ARHGEF17: variants seen among roughly 807,000 people sequenced by gnomAD.
The protein encoded by ARHGEF17 is 164 kDa Rho-specific guanine-nucleotide exchange factor.
Under a neutral mutation model 174.0 loss-of-function variants are expected in ARHGEF17, and 80 were observed. The observed-to-expected ratio is 0.46, with a 90% CI of 0.38 to 0.55. The LOEUF is 0.55. Ranked by LOEUF, ARHGEF17 falls within the 20% of genes least tolerant of loss-of-function variation. The pLI, the probability that ARHGEF17 is intolerant of heterozygous loss-of-function variation, is 0.00. For synonymous variants in ARHGEF17, 1,311 were observed against 1,189.1 expected (o/e 1.10, Z -2.11); for missense variants, 2,886 against 2,839.7 (o/e 1.02, Z -0.37).
At chr11:73,336,450 A>T (rs925497613) in intron 1 of ARHGEF17, among the ~76,000 whole-genome samples, 1 of 152,208 alleles carries the variant, frequency 6.6e-6, no homozygotes, top group Non-Finnish European at 1.5e-5. Flanking sequence ...TTCTGGGCTA[A>T]GAGTGCACCA....
In ARHGEF17 at chr11:73,346,889, C is replaced by A. The variant is rs906046290; in HGVS notation, c.3199C>A (p.Arg1067=). Reference sequence around the variant, plus strand: ...TCTGCTCCTGTCCCCACAGGACATGCGGAAGCACGTGGCCATGACCCTGCT... The same window carrying A: ...TCTGCTCCTGTCCCCACAGGACATGAGGAAGCACGTGGCCATGACCCTGCT... The part of the protein sequence containing the change: ...KCCSKPQVDM[R]KHVAMTLLDT... Residue 1067 remains arginine, a synonymous_variant, in exon 2 of 21, where the codon CGG becomes AGG. Transcript: ENST00000263674. 2.0e-6 allele frequency: 3 copies of A among 1,499,906 alleles called. No homozygotes were observed. The highest frequency in any genetic ancestry group is 2.8e-5 in the African/African-American group (2 of 70,790). The allele number at this position is 1,499,906 out of a possible 1,614,324, so 92.9% of individuals were successfully genotyped here. A position where few individuals can be genotyped will look rare whatever the true frequency, so the allele number is the denominator to read the frequency against.
At position 73,364,229 on chromosome 11, in the gene ARHGEF17, A is replaced by C; in HGVS notation, c.5391A>C (p.Gln1797His). ...SLANGELVVYQREAGHFWDPQ... is the reference protein window; with the variant it reads ...SLANGELVVYHREAGHFWDPQ... ...CCAATGGAGAGCTTGTGGTCTACCA[A>C]AGGGAAGCAGGTGAGTATCTGCCCT... The change falls in exon 17 of 21, where the codon CAA becomes CAC. Residue 1797 changes from glutamine to histidine, a missense_variant. Gln to His is a conservative substitution (Grantham distance 24). Coordinates refer to ENST00000263674, the MANE Select transcript of ARHGEF17 (RefSeq NM_014786.4). 6.2e-7 allele frequency: 1 copy of C among 1,614,104 alleles called. No individual in the cohort carries two copies. Among genetic ancestry groups the C allele is most frequent in the Non-Finnish European group, 8.5e-7 (1 of 1,180,020 alleles).
Position 73,368,145 on chromosome 11 carries a change from C to T in ARHGEF17, c.*365C>T, listed in dbSNP as rs1346400927. 2 of 220,156 alleles carry T rather than the reference C, an allele frequency of 9.1e-6. No homozygotes were observed. The highest frequency in any genetic ancestry group is 4.5e-5 in the African/African-American group (2 of 44,436). 13.6% of individuals were successfully genotyped at this position (220,156 alleles called of 1,614,324 possible). On this transcript the variant is annotated 3_prime_UTR_variant, in exon 21 of 21. Transcript: ENST00000263674. ...GGTTTTCTGGAGGGCAGCAGGAAGGCTGGGGAATTCCCCATGTACAGTATT... is the reference window on the plus strand; with the variant it reads ...GGTTTTCTGGAGGGCAGCAGGAAGGTTGGGGAATTCCCCATGTACAGTATT...
intron 1 of ARHGEF17, among the ~76,000 whole-genome samples, chr11:73,319,065 C>CT (rs60978188): frequency 0.057 from 7,909 of 139,234 alleles, 270 homozygotes; most frequent in East Asian, 0.13. Flanking sequence ...CTTCCTCCGT[C>CT]TTTTTTTTTT....
intron 1 of ARHGEF17, among the ~76,000 whole-genome samples, chr11:73,316,035 G>A (rs1009026398): frequency 2.6e-5 from 4 of 151,660 alleles, no homozygotes; most frequent in African/African-American, 7.3e-5. Flanking sequence ...ACAGAGTGTA[G>A]GATCTAGAAG....
At chr11:73,359,797 C>A in intron 9 of ARHGEF17, 37 bp from the exon 10 acceptor site, 1 of 1,512,938 alleles carries the variant, frequency 6.6e-7, no homozygotes. Flanking sequence ...CCTTGTCTGT[C>A]TCTGTATCAG....
In ARHGEF17 at chr11:73,308,865, G is replaced by A. The variant is rs1220501794; in HGVS notation, c.227G>A (p.Arg76His). The change falls in exon 1 of 21, where the codon CGC (arginine) becomes CAC (histidine). Residue 76 changes from arginine (R) to histidine (H), a missense_variant. This residue lies in a region of ARHGEF17 where 1,728 missense variants were observed against 1,461.2 expected (regional missense o/e 1.18). Transcript: ENST00000263674. ...GCCCCCGCGCAGCCGCGCCCGCTCC[G>A]CAGCCTCTCGCCGTCGGTTCGCCAG... is the stretch of plus-strand genomic sequence containing the variant. ...LAAPAQPRPL[R>H]SLSPSVRQLS... is the part of the protein sequence containing the mutation. 2 of 1,349,924 alleles carry A rather than the reference G, an allele frequency of 1.5e-6. No homozygotes were observed. The highest frequency in any genetic ancestry group is 1.5e-5 in the African/African-American group (1 of 64,958). The allele number at this position is 1,349,924 out of a possible 1,614,324, so 83.6% of individuals were successfully genotyped here.
rs762360563 is a variant in ARHGEF17 at position 73,346,930 on chromosome 11, G to A, written c.3240G>A (p.Ser1080=). The A allele has an allele frequency of 2.8e-5, 44 of 1,568,030 alleles. No individual in the cohort carries two copies. Among genetic ancestry groups the A allele is most frequent in the South Asian group, 3.5e-5 (3 of 86,668 alleles). ...VAMTLLDTEQ[S]YVESLRTLMQ... ...TGACCCTGCTGGACACAGAGCAGTC[G>A]TATGTGGAGTCGCTGCGCACCCTGA... The change falls in exon 2 of 21, where the codon TCG becomes TCA. Residue 1080 remains serine, a synonymous_variant. Transcript: ENST00000263674.
Position 73,309,479 on chromosome 11 carries a change from C to T in ARHGEF17, c.841C>T (p.Arg281Ter). The T allele has an allele frequency of 6.5e-7, 1 of 1,544,242 alleles. No homozygotes were observed. The highest frequency in any genetic ancestry group is 8.7e-7 in the Non-Finnish European group (1 of 1,143,970). The change falls in exon 1 of 21, where the codon CGA becomes TGA. Residue 281 changes from arginine to a stop codon, truncating the protein, a stop_gained. Transcript: ENST00000263674. LOFTEE classifies it high-confidence loss of function. The stretch of plus-strand genomic sequence containing the variant: ...CCACTCCTCGGGCAGTGACGACGAC[C>T]GAGACGGTGAGGGCGGCCACCGCTG... ...GGHSSGSDDD[R>*]DGEGGHRWGG...
Position 73,310,481 on chromosome 11 carries a change from G to A in ARHGEF17, c.1843G>A (p.Ala615Thr), listed in dbSNP as rs777275125. ...TGCCCAACAAGATGATGGAAGCGATGCCCCCCCTGGAAGCCCTGACTGGGC... is the reference window on the plus strand; with the variant it reads ...TGCCCAACAAGATGATGGAAGCGATACCCCCCCTGGAAGCCCTGACTGGGC... ...MGAQQDDGSD[A>T]PPGSPDWAGD... The change falls in exon 1 of 21, where the codon GCC (alanine) becomes ACC (threonine). Residue 615 changes from alanine (A) to threonine (T), a missense_variant. Around this residue, in one of 4 missense-constraint regions of ARHGEF17, gnomAD observed 1,728 missense variants for 1,461.2 expected, o/e 1.18. Transcript: ENST00000263674. The A allele has an allele frequency of 1.9e-6, 3 of 1,613,822 alleles. No homozygotes were observed. The highest frequency in any genetic ancestry group is 2.5e-6 in the Non-Finnish European group (3 of 1,180,032).
rs781505867 is a variant in ARHGEF17 at position 73,310,006 on chromosome 11, T to G, written c.1368T>G (p.Ser456Arg). 19 of 1,612,570 alleles carry G rather than the reference T, an allele frequency of 1.2e-5. No individual in the cohort carries two copies. The highest frequency in any genetic ancestry group is 2.5e-6 in the Non-Finnish European group (3 of 1,179,630). ...LRDGGFEPEK[S>R]RQRKSLSNPD... Reference sequence around the variant, plus strand: ...ATGGAGGATTTGAGCCTGAAAAGAGTCGACAGCGGAAGTCCCTGTCAAATC... The same window carrying G: ...ATGGAGGATTTGAGCCTGAAAAGAGGCGACAGCGGAAGTCCCTGTCAAATC... The change falls in exon 1 of 21, where the codon AGT (serine) becomes AGG (arginine). Residue 456 changes from serine (S) to arginine (R), a missense_variant. Around this residue, in one of 4 missense-constraint regions of ARHGEF17, gnomAD observed 1,728 missense variants for 1,461.2 expected, o/e 1.18. Transcript: ENST00000263674.
intron 1 of ARHGEF17, among the ~76,000 whole-genome samples, chr11:73,345,913 G>T (rs1865452495): frequency 6.6e-6 from 1 of 152,166 alleles, no homozygotes; most frequent in Non-Finnish European, 1.5e-5. Context: ...GCCAGAGAAG[G>T]GAAGTTGTTG....
intron 1 of ARHGEF17, among the ~76,000 whole-genome samples, chr11:73,344,599 T>TC (rs1241070844): frequency 2.6e-5 from 4 of 152,080 alleles, no homozygotes; most frequent in Non-Finnish European, 4.4e-5. Context: ...GTCAGGGAGC[T>TC]CCCCACGCCG....
rs1444657884 is a variant in ARHGEF17, at chr11:73,339,623, TAGTC to T, written c.3193-7257_3193-7254del. Among the ~76,000 whole-genome samples the T allele has an allele frequency of 3.3e-5, 5 of 152,144 alleles. No homozygotes were observed. In the East Asian group the frequency reaches 9.7e-4, roughly 29 times the overall value. Reference sequence around the variant, plus strand: ...ACTGGGTGGTGTGTCCAGAGGCAGGTAGTCAGGGTATTGGGATTCCCTCAGAGAT... The same window carrying T: ...ACTGGGTGGTGTGTCCAGAGGCAGGTAGGGTATTGGGATTCCCTCAGAGAT... On this transcript the variant is annotated intron_variant, in intron 1 of 20. Transcript: ENST00000263674.
Position 73,364,563 on chromosome 11 carries a change from G to A in ARHGEF17, c.5513G>A (p.Arg1838Gln), listed in dbSNP as rs747022430. Residue 1838 changes from arginine to glutamine, a missense_variant, in exon 18 of 21, where the codon CGA becomes CAA. This residue lies in a region of ARHGEF17 where 329 missense variants were observed against 435.2 expected (regional missense o/e 0.76). Coordinates refer to ENST00000263674, the MANE Select transcript of ARHGEF17 (RefSeq NM_014786.4). ...GGRLWCGCQN[R>Q]VLVLSPDTLQ... The stretch of plus-strand genomic sequence containing the variant: ...CGGCTGTGGTGTGGCTGCCAGAACC[G>A]AGTCCTTGTCCTGAGCCCTGACACG... 2.4e-5 allele frequency: 39 copies of A among 1,613,552 alleles called. No individual in the cohort carries two copies. Among genetic ancestry groups the A allele is most frequent in the Middle Eastern group, 1.7e-4 (1 of 6,058 alleles).
rs1226724513 is a variant in ARHGEF17 at position 73,309,738 on chromosome 11, G to A, written c.1100G>A (p.Gly367Glu). ...CTTCGGCCTATGTCTGACTCTGTGG[G>A]AGGAGCTTTCCGTGTGGCCAAGGTG... ...EGLRPMSDSV[G>E]GAFRVAKVSF... The change falls in exon 1 of 21, where the codon GGA becomes GAA. Residue 367 changes from glycine (G) to glutamate (E), a missense_variant. Around this residue, in one of 4 missense-constraint regions of ARHGEF17, gnomAD observed 1,728 missense variants for 1,461.2 expected, o/e 1.18. Transcript: ENST00000263674. 1.9e-6 allele frequency: 3 copies of A among 1,612,656 alleles called. No individual in the cohort carries two copies. Among genetic ancestry groups the A allele is most frequent in the Middle Eastern group, 1.6e-4 (1 of 6,082 alleles).
chr11:73,314,718 A>G (rs1268094460), intron 1 of ARHGEF17, among the ~76,000 whole-genome samples: 1 of 152,118 alleles, frequency 6.6e-6, no homozygotes, highest in Non-Finnish European at 1.5e-5. Context: ...GTGAGGAGGC[A>G]GAGCTGTCAG....
intron 1 of ARHGEF17, 150 bp from the exon 2 acceptor site, chr11:73,346,733 G>A (rs112802307): frequency 1.1e-5 from 6 of 546,670 alleles, no homozygotes; most frequent in African/African-American, 5.9e-5. Context: ...GGGGCCTCGG[G>A]GGAACAGCCC....
At chr11:73,364,112 C>T in intron 16 of ARHGEF17, 60 bp from the exon 17 acceptor site, 1 of 1,546,086 alleles carries the variant, frequency 6.5e-7, no homozygotes, top group African/African-American at 1.4e-5. Flanking sequence ...TTCCCCTGGT[C>T]CTGGGTGACC....
Sources: gnomAD v4.1 joint callset for allele counts (sites outside exome capture counted in the v4.1 genomes callset) on GRCh38, gnomAD v4.1.1 for gene constraint, gnomAD v4.1.1 regional missense constraint, MANE v1.5 for transcripts, NCBI Gene and HGNC (gene_info 2026-07-23, HGNC 2026-07-21) for gene names.